The following TCF4 variants were observed in gnomAD, a reference collection of about 807,000 sequenced individuals.
TCF4 encodes transcription factor 4.
Under a neutral mutation model 82.1 loss-of-function variants are expected in TCF4, and 3 were observed. The observed-to-expected ratio is 0.04, with a 90% CI of 0.02 to 0.09. TCF4 has a LOEUF of 0.09. TCF4 is among the 10% of genes least tolerant of loss of function. TCF4 has a pLI of 1.00. For missense variants in TCF4, 518 were observed against 852.7 expected, an observed-to-expected ratio of 0.61 and a Z score of 4.89; for synonymous variants, 276 against 309.6, an observed-to-expected ratio of 0.89 and a Z score of 1.14.
chr18:55,537,237 A>G (rs1239509757), intron 3 of TCF4, among the ~76,000 whole-genome samples: 1 of 152,098 alleles, frequency 6.6e-6, no homozygotes, highest in African/African-American at 2.4e-5. Context: ...AAAAACAAGC[A>G]TTCTGATGTT....
rs560749110 is a variant in TCF4 at position 55,390,559 on chromosome 18, CTA to C, written c.369+12893_369+12894del. ...GGATAACTACATTTTATTTCTAGAG[CTA>C]TATGTGTAACTATCTAGAGGAAAGA... is the stretch of plus-strand genomic sequence containing the variant. On this transcript the variant is annotated intron_variant, in intron 6 of 19. Transcript: ENST00000354452. Among the ~76,000 whole-genome samples the C allele has an allele frequency of 2.4e-3, 360 of 152,178 alleles. 1 individual carries two copies. Among genetic ancestry groups the C allele is most frequent in the African/African-American group, 8.3e-3 (346 of 41,522 alleles).
At chr18:55,410,295 C>G (rs548385984) in intron 5 of TCF4, among the ~76,000 whole-genome samples, 1 of 152,126 alleles carries the variant, frequency 6.6e-6, no homozygotes, top group Non-Finnish European at 1.5e-5. Context: ...GGCTGCATTT[C>G]ATCACTGATT....
At chr18:55,592,400 A>G (rs915114573), upstream of TCF4, among the ~76,000 whole-genome samples, 2 of 152,096 alleles carry the variant, frequency 1.3e-5, no homozygotes, top group African/African-American at 4.8e-5. Context: ...TTACCTTCTC[A>G]CTGAATTCTC....
chr18:55,495,854 A>AT (rs1051327259), intron 3 of TCF4: 9 of 152,266 alleles, frequency 5.9e-5, no homozygotes, highest in Admixed American at 4.6e-4. Context: ...ATTTATGTTC[A>AT]TTTTTTTAAA....
At chr18:55,628,256 A>G (rs2097728483) in intron 2 of TCF4, among the ~76,000 whole-genome samples, 1 of 152,098 alleles carries the variant, frequency 6.6e-6, no homozygotes, top group Non-Finnish European at 1.5e-5. Flanking sequence ...ATTAAGAAGG[A>G]AGGCTGAACT....
chr18:55,404,131 C>T (rs1447072809), intron 5 of TCF4: 1 of 688,204 alleles, frequency 1.5e-6, no homozygotes, highest in African/African-American at 1.9e-5. Context: ...TCAGATTCCA[C>T]CAATAGACCC....
At chr18:55,321,496 G>A in intron 8 of TCF4, 1 of 956,664 alleles carries the variant, frequency 1.0e-6, no homozygotes, top group Non-Finnish European at 1.6e-6. Context: ...AGACGAAGGA[G>A]AAGAAGTAGG....
intron 8 of TCF4, among the ~76,000 whole-genome samples, chr18:55,339,325 G>C (rs1481137563): frequency 2.6e-5 from 4 of 152,146 alleles, no homozygotes; most frequent in Non-Finnish European, 4.4e-5. Flanking sequence ...GAACAAACCA[G>C]GATCCTTTTG....
intron 16 of TCF4, among the ~76,000 whole-genome samples, chr18:55,233,088 C>T (rs2048356204): frequency 6.6e-6 from 1 of 152,186 alleles, no homozygotes; most frequent in Admixed American, 6.5e-5. Context: ...TAAATATGTG[C>T]AGTCAAGACT....
At chr18:55,424,197 T>C (rs566262767) in intron 5 of TCF4, among the ~76,000 whole-genome samples, 1 of 152,288 alleles carries the variant, frequency 6.6e-6, no homozygotes, top group South Asian at 2.1e-4. Context: ...ATGTTAGAAA[T>C]TAATTAATTG....
chr18:55,296,350 G>A (rs2066490417), intron 8 of TCF4, among the ~76,000 whole-genome samples: 1 of 152,178 alleles, frequency 6.6e-6, no homozygotes, highest in Non-Finnish European at 1.5e-5. Context: ...GCCAGATGCA[G>A]AGGAATCCCA....
rs1453110163 is a variant in TCF4, at chr18:55,399,876, T to A, written c.369+3578A>T. Reference sequence around the variant, plus strand: ...CCATCTCTCTCTCTCTCTCTCTCTCTCTCTCACACACACACACACACACAC... The same window carrying A: ...CCATCTCTCTCTCTCTCTCTCTCTCACTCTCACACACACACACACACACAC... On this transcript the variant is annotated intron_variant, in intron 6 of 19. Coordinates refer to ENST00000354452, the MANE Select transcript of TCF4 (RefSeq NM_001083962.2). Among the ~76,000 whole-genome samples the A allele has an allele frequency of 8.0e-3, 944 of 118,402 alleles. 9 individuals carry two copies. The highest frequency in any genetic ancestry group is 0.047 in the South Asian group (168 of 3,548). The allele number at this position is 118,402 out of a possible 152,430, so 77.7% of individuals were successfully genotyped here.
intron 2 of TCF4, among the ~76,000 whole-genome samples, chr18:55,627,170 T>C (rs1367896877): frequency 6.6e-6 from 1 of 152,204 alleles, no homozygotes; most frequent in Non-Finnish European, 1.5e-5. Flanking sequence ...GGCTCCCTTT[T>C]CACAGTTACT....
chr18:55,319,295 CCA>C (rs2074927127), intron 8 of TCF4, among the ~76,000 whole-genome samples: 1 of 152,134 alleles, frequency 6.6e-6, no homozygotes, highest in Non-Finnish European at 1.5e-5. Context: ...AAATCAAAAG[CCA>C]CTCAATGCAG....
Position 55,426,275 on chromosome 18 carries a change from C to T in TCF4, c.305-22757G>A, listed in dbSNP as rs968991243. Among the ~76,000 whole-genome samples, 8 of 151,952 alleles carry T rather than the reference C, an allele frequency of 5.3e-5. No homozygotes were observed. The South Asian group carries it at 1.7e-3, about 31-fold the overall frequency. On this transcript the variant is annotated intron_variant, in intron 5 of 19. Transcript: ENST00000354452. ...GGCAGTCCTATAAAAGGACAAGACCCTAGGGAGGCAGAAGAAAGAGATGCA... is the reference window on the plus strand; with the variant it reads ...GGCAGTCCTATAAAAGGACAAGACCTTAGGGAGGCAGAAGAAAGAGATGCA...
intron 3 of TCF4, among the ~76,000 whole-genome samples, chr18:55,495,292 A>C (rs1452896698): frequency 6.6e-6 from 1 of 151,764 alleles, no homozygotes; most frequent in Non-Finnish European, 1.5e-5. Context: ...TCGGTGGAGA[A>C]TATAAGAAGG....
At chr18:55,589,170 A>C (rs751968760), upstream of TCF4, 12 of 674,958 alleles carry the variant, frequency 1.8e-5, no homozygotes, top group Non-Finnish European at 2.3e-5. Context: ...ATGCATGCAC[A>C]CACTTTTTCC....
intron 2 of TCF4, among the ~76,000 whole-genome samples, chr18:55,621,889 TTATATATTATATATACAC>T (rs1568501645): frequency 1.1e-4 from 12 of 105,314 alleles, no homozygotes; most frequent in Non-Finnish European, 1.7e-4. Flanking sequence ...AATATATACA[TTATATATTATATATACAC>T]TATATATTAT....
intron 3 of TCF4, among the ~76,000 whole-genome samples, chr18:55,498,999 C>T (rs2096667627): frequency 6.6e-6 from 1 of 152,142 alleles, no homozygotes; most frequent in African/African-American, 2.4e-5. Flanking sequence ...TTTCCCTTGA[C>T]ATGGTGAAAG....
Sources: allele counts gnomAD v4.1 joint callset (sites outside exome capture counted in the v4.1 genomes callset), GRCh38; gene constraint gnomAD v4.1.1; transcripts MANE v1.5; gene names NCBI Gene and HGNC (gene_info 2026-07-23, HGNC 2026-07-21).